The following ANKRD30A variants were observed in gnomAD, a reference collection of about 807,000 sequenced individuals.
ANKRD30A encodes the protein ankyrin repeat domain-containing protein 30A.
ANKRD30A carries 170 observed loss-of-function variants against 166.3 expected under a neutral mutation model. The ratio of observed to expected loss-of-function variants is 1.02; its 90% confidence interval spans 0.90 to 1.16. The LOEUF (loss-of-function observed/expected upper bound fraction) is 1.16. Among genes scored for constraint, ANKRD30A ranks in the 50% most tolerant of loss-of-function variants. The pLI is 0.00. For synonymous variants in ANKRD30A, 564 were observed against 508.9 expected (o/e 1.11, Z -1.46); for missense variants, 1,630 against 1,518.0 (o/e 1.07, Z -1.23).
intron 18 of ANKRD30A, among the ~76,000 whole-genome samples, chr10:37,165,884 C>A (rs1426425603): frequency 1.3e-5 from 2 of 152,010 alleles, no homozygotes; most frequent in Non-Finnish European, 2.9e-5. Context: ...CAGCTGCTGC[C>A]TGATGGTAAC....
intron 34 of ANKRD30A, among the ~76,000 whole-genome samples, chr10:37,226,494 A>G (rs2132759419): frequency 6.6e-6 from 1 of 151,696 alleles, no homozygotes; most frequent in Non-Finnish European, 1.5e-5. Context: ...TAACATTTTC[A>G]AGGTCCTCTG....
At chr10:37,183,947 G>C (rs1482398620) in intron 24 of ANKRD30A, among the ~76,000 whole-genome samples, 1 of 151,224 alleles carries the variant, frequency 6.6e-6, no homozygotes, top group Admixed American at 6.6e-5. Context: ...AGGAGATCGA[G>C]ACCATCCTGA....
At position 37,152,240 on chromosome 10, in the gene ANKRD30A, T is replaced by C. The variant is rs143203945; in HGVS notation, c.1707+119T>C. The stretch of plus-strand genomic sequence containing the variant: ...TATGTCACCCCGAAATTATTTTTGA[T>C]ATTTTTCAGAATATGCTTAATGGAG... On this transcript the variant is annotated intron_variant, in intron 12 of 35. Coordinates refer to ENST00000361713, the MANE Select transcript of ANKRD30A (RefSeq NM_052997.3). 739 of 836,836 alleles carry C rather than the reference T, an allele frequency of 8.8e-4. 1 individual carries two copies. The African/African-American group carries it at 0.012, about 13-fold the overall frequency. The allele number at this position is 836,836 out of a possible 1,614,324, so 51.8% of individuals were successfully genotyped here. A position where few individuals can be genotyped will look rare whatever the true frequency, so the allele number is the denominator to read the frequency against.
Position 37,197,514 on chromosome 10 carries a change from T to A in ANKRD30A, c.2716+34T>A, listed in dbSNP as rs758513906. ...TTCAATGTAACTATGCGAAGACCAA[T>A]ATTTCAATATTGAACATTTTGATGG... On this transcript the variant is annotated intron_variant, in intron 29 of 35. Coordinates refer to ENST00000361713, the MANE Select transcript of ANKRD30A (RefSeq NM_052997.3). 1.7e-5 allele frequency: 28 copies of A among 1,611,104 alleles called. No individual in the cohort carries two copies. The African/African-American group carries it at 3.3e-4, about 19-fold the overall frequency.
chr10:37,213,700 A>G (rs1008183147), intron 31 of ANKRD30A, among the ~76,000 whole-genome samples: 8 of 151,354 alleles, frequency 5.3e-5, no homozygotes, highest in Non-Finnish European at 8.9e-5. Flanking sequence ...TTGTGTTTTC[A>G]TTTGAAATTA....
In ANKRD30A at chr10:37,130,327, A is replaced by C; in HGVS notation, c.459A>C (p.Ser153=). ...LHYAVYSEIL[S]VVAKLLSHGA... ...ATGCTGTTTATAGTGAGATTTTGTCAGTGGTGGCAAAACTGCTGTCCCATG... is the reference window on the plus strand; with the variant it reads ...ATGCTGTTTATAGTGAGATTTTGTCCGTGGTGGCAAAACTGCTGTCCCATG... The change falls in exon 3 of 36, where the codon TCA becomes TCC. Residue 153 remains serine (S), a synonymous_variant. Transcript: ENST00000361713. The C allele has an allele frequency of 6.3e-7, 1 of 1,586,206 alleles. No homozygotes were observed. Among genetic ancestry groups the C allele is most frequent in the Non-Finnish European group, 8.6e-7 (1 of 1,166,944 alleles).
In ANKRD30A at chr10:37,212,888, G is replaced by A. The variant is rs200047980; in HGVS notation, c.2870-3293G>A. Among the ~76,000 whole-genome samples, 10 of 151,490 alleles carry A rather than the reference G, an allele frequency of 6.6e-5. No individual in the cohort carries two copies. In the East Asian group the frequency reaches 2.0e-3, roughly 30 times the overall value. The stretch of plus-strand genomic sequence containing the variant: ...CAGATGGTAATTTTCACATTTCAAT[G>A]AATTTGTCAATTTTGTCTAAGTTGT... On this transcript the variant is annotated intron_variant, in intron 31 of 35. Coordinates refer to ENST00000361713, the MANE Select transcript of ANKRD30A (RefSeq NM_052997.3).
At chr10:37,223,278 A>G (rs1226136451) in intron 34 of ANKRD30A, among the ~76,000 whole-genome samples, 1 of 151,344 alleles carries the variant, frequency 6.6e-6, no homozygotes, top group Admixed American at 6.6e-5. Flanking sequence ...CATAGAAAAC[A>G]CATACACTTT....
chr10:37,217,049 AT>A (rs1391428181), intron 32 of ANKRD30A, among the ~76,000 whole-genome samples: 1 of 151,034 alleles, frequency 6.6e-6, no homozygotes, highest in Non-Finnish European at 1.5e-5. Flanking sequence ...TACTATTTTT[AT>A]TCTTTAATTA....
intron 31 of ANKRD30A, among the ~76,000 whole-genome samples, chr10:37,214,896 C>A (rs1305504030): frequency 6.6e-6 from 1 of 151,350 alleles, no homozygotes; most frequent in Non-Finnish European, 1.5e-5. Context: ...TGTCTCTCCT[C>A]CTACCTGTTT....
At chr10:37,244,504 T>G in the ANKRD30A span, among the ~76,000 whole-genome samples, 2 of 152,230 alleles carry the variant, frequency 1.3e-5, no homozygotes, top group South Asian at 4.1e-4. Flanking sequence ...ATGGCATTAT[T>G]CAAGGACCTG....
chr10:37,130,082 T>C (rs1836286138), intron 2 of ANKRD30A, 75 bp downstream of exon 2: 6 of 1,224,588 alleles, frequency 4.9e-6, no homozygotes, highest in Non-Finnish European at 5.3e-6. Flanking sequence ...ATTTATCTCA[T>C]TGAAATACAA....
intron 31 of ANKRD30A, among the ~76,000 whole-genome samples, chr10:37,208,384 C>T (rs763372701): frequency 7.9e-5 from 12 of 152,018 alleles, no homozygotes; most frequent in East Asian, 5.8e-4. Flanking sequence ...ACAGACTTGC[C>T]GATAACCTGA....
intron 31 of ANKRD30A, among the ~76,000 whole-genome samples, chr10:37,212,837 CT>C (rs925890975): frequency 3.3e-4 from 49 of 150,206 alleles, no homozygotes; most frequent in African/African-American, 1.1e-3. Context: ...TTCCCCATTG[CT>C]TTTTTTTTCA....
At position 37,219,988 on chromosome 10, in the gene ANKRD30A, AATATATATATATATATATATAT is replaced by A. The variant is rs71007624; in HGVS notation, c.4185+111_4185+132del. On this transcript the variant is annotated intron_variant, in intron 34 of 35. Coordinates refer to ENST00000361713, the MANE Select transcript of ANKRD30A (RefSeq NM_052997.3). ...CTTGGCTAAATGCTGAATCTAGTTG[AATATATATATATATATATATAT>A]ATATATATATATATATATAATATAT... 3.1e-4 allele frequency: 59 copies of A among 187,910 alleles called. 2 individuals are homozygous for A. The highest frequency in any genetic ancestry group is 1.4e-3 in the African/African-American group (39 of 27,172). The allele number at this position is 187,910 out of a possible 1,614,324, so 11.6% of individuals were successfully genotyped here. A position where few individuals can be genotyped will look rare whatever the true frequency, so the allele number is the denominator to read the frequency against.
intron 34 of ANKRD30A, among the ~76,000 whole-genome samples, chr10:37,225,798 G>A (rs922221581): frequency 1.6e-4 from 24 of 151,514 alleles, no homozygotes; most frequent in African/African-American, 5.8e-4. Context: ...GATTTTCTCG[G>A]TAACAATTTT....
chr10:37,214,854 A>G (rs985151193), intron 31 of ANKRD30A, among the ~76,000 whole-genome samples: 2 of 151,326 alleles, frequency 1.3e-5, no homozygotes, highest in Non-Finnish European at 3.0e-5. Flanking sequence ...TTTAGAATGT[A>G]TTTAGCCAAT....
rs778535104 is a variant in ANKRD30A, at chr10:37,216,282, C to G, written c.2971C>G (p.Gln991Glu). The change falls in exon 32 of 36, where the codon CAA (glutamine) becomes GAA (glutamate). Residue 991 changes from glutamine to glutamate, a missense_variant. By Grantham distance (29) the Gln-to-Glu change is conservative. Around this residue, in one of 4 missense-constraint regions of ANKRD30A, gnomAD observed 712 missense variants for 629.3 expected, o/e 1.13. Transcript: ENST00000361713. ...HCEQRTGKME[Q>E]MKKKFCVLKK... ...TGAACAACGTACAGGAAAAATGGAA[C>G]AAATGAAAAAGAAGTTTTGTGTACT... 24 of 1,608,156 alleles carry G rather than the reference C, an allele frequency of 1.5e-5. No individual in the cohort carries two copies. Among genetic ancestry groups the G allele is most frequent in the South Asian group, 6.6e-5 (6 of 90,906 alleles).
intron 24 of ANKRD30A, among the ~76,000 whole-genome samples, chr10:37,189,153 CGTAAGT>C (rs1227820182): frequency 3.3e-5 from 2 of 61,088 alleles, no homozygotes; most frequent in African/African-American, 2.1e-4. Flanking sequence ...AGGACTAGAA[CGTAAGT>C]TAGATATTTT....
Sources: allele counts gnomAD v4.1 joint callset (sites outside exome capture counted in the v4.1 genomes callset), GRCh38; gene constraint gnomAD v4.1.1; regional missense constraint gnomAD v4.1.1; transcripts MANE v1.5; gene names NCBI Gene and HGNC (gene_info 2026-07-23, HGNC 2026-07-21).